Variants in RASGRF2 observed in about 807,000 individuals in gnomAD.
The protein encoded by RASGRF2 is ras-specific guanine nucleotide-releasing factor 2.
Under a neutral mutation model 151.0 loss-of-function variants are expected in RASGRF2, and 76 were observed. The ratio of observed to expected loss-of-function variants is 0.50; its 90% CI spans 0.42 to 0.61. RASGRF2 has a LOEUF of 0.61. Among genes scored for constraint, RASGRF2 ranks in the 20% least tolerant of loss-of-function variants. RASGRF2 has a pLI of 0.00. For synonymous variants in RASGRF2, 504 were observed against 566.5 expected (o/e 0.89, Z 1.57); for missense variants, 1,148 against 1,564.6 (o/e 0.73, Z 4.49).
chr5:81,001,368 C>G (rs1264363002), intron 1 of RASGRF2, among the ~76,000 whole-genome samples: 1 of 152,132 alleles, frequency 6.6e-6, no homozygotes, highest in East Asian at 1.9e-4. Context: ...TCACAACAGG[C>G]CTGTGTTCCT....
At chr5:81,021,353 A>G (rs1373778428) in intron 1 of RASGRF2, among the ~76,000 whole-genome samples, 1 of 61,096 alleles carries the variant, frequency 1.6e-5, no homozygotes, top group Non-Finnish European at 3.1e-5. Context: ...ATTTTTCTAA[A>G]TTTCTCCTTA....
chr5:81,217,295 T>C, intron 24 of RASGRF2, 61 bp from the exon 25 acceptor site: 1 of 1,525,788 alleles, frequency 6.6e-7, no homozygotes, highest in South Asian at 1.3e-5. Flanking sequence ...TTGTTTAATT[T>C]GGGGAGGGAA....
intron 17 of RASGRF2, among the ~76,000 whole-genome samples, chr5:81,175,389 G>A (rs59448696): frequency 0.016 from 2,468 of 152,290 alleles, 61 homozygotes; most frequent in African/African-American, 0.055. Flanking sequence ...TAGAAATCCA[G>A]TTGTAATCCA....
chr5:81,183,669 G>T (rs1754965226), intron 18 of RASGRF2, among the ~76,000 whole-genome samples: 1 of 152,156 alleles, frequency 6.6e-6, no homozygotes, highest in Non-Finnish European at 1.5e-5. Flanking sequence ...TTTCTCTCAT[G>T]TGCCTTGTCT....
intron 5 of RASGRF2, among the ~76,000 whole-genome samples, chr5:81,073,769 C>A (rs1751854828): frequency 6.6e-6 from 1 of 152,116 alleles, no homozygotes; most frequent in African/African-American, 2.4e-5. Context: ...CAGGCGCCCA[C>A]CACCACACCT....
intron 15 of RASGRF2, among the ~76,000 whole-genome samples, chr5:81,121,384 A>G (rs1753303439): frequency 6.6e-6 from 1 of 152,168 alleles, no homozygotes; most frequent in Admixed American, 6.5e-5. Context: ...TATTGATGCC[A>G]TACGTCTCCC....
At chr5:81,141,290 CAG>C (rs1329469686) in intron 17 of RASGRF2, among the ~76,000 whole-genome samples, 3 of 152,190 alleles carry the variant, frequency 2.0e-5, no homozygotes, top group African/African-American at 7.2e-5. Context: ...GGTGATTTTA[CAG>C]AGAGTTGATC....
chr5:81,050,598 A>G (rs562612943), intron 2 of RASGRF2, among the ~76,000 whole-genome samples: 94 of 152,236 alleles, frequency 6.2e-4, no homozygotes, highest in African/African-American at 2.1e-3. Context: ...CACCACATAC[A>G]GGAATTTTAA....
At chr5:81,066,202 C>T (rs926465276) in intron 2 of RASGRF2, among the ~76,000 whole-genome samples, 11 of 152,116 alleles carry the variant, frequency 7.2e-5, no homozygotes, top group Admixed American at 6.5e-4. Flanking sequence ...CAAGACTCTT[C>T]TATCTTTTCT....
chr5:81,021,538 A>C (rs897804823), intron 1 of RASGRF2, among the ~76,000 whole-genome samples: 1 of 149,230 alleles, frequency 6.7e-6, no homozygotes, highest in Non-Finnish European at 1.5e-5. Context: ...GAGGGCTCAC[A>C]TGTTCTTGAG....
At chr5:81,107,223 G>T (rs1752870678) in intron 12 of RASGRF2, among the ~76,000 whole-genome samples, 1 of 148,814 alleles carries the variant, frequency 6.7e-6, no homozygotes, top group African/African-American at 2.5e-5. Flanking sequence ...AAATCTCACT[G>T]TGGTAGCACA....
At chr5:81,042,014 A>G (rs1168828646) in intron 1 of RASGRF2, among the ~76,000 whole-genome samples, 1 of 152,124 alleles carries the variant, frequency 6.6e-6, no homozygotes, top group African/African-American at 2.4e-5. Context: ...TTTTATCAAG[A>G]ATTCTTCTTT....
intron 1 of RASGRF2, among the ~76,000 whole-genome samples, chr5:80,994,889 T>C (rs1443246587): frequency 2.6e-5 from 4 of 152,236 alleles, no homozygotes; most frequent in Admixed American, 2.0e-4. Context: ...CTCATCTCCC[T>C]GAATTTGGGC....
chr5:81,128,381 C>T (rs1305150266), intron 17 of RASGRF2, among the ~76,000 whole-genome samples: 1 of 152,046 alleles, frequency 6.6e-6, no homozygotes. Context: ...TCACATTGTA[C>T]CCTGTAGGCA....
chr5:81,026,363 G>C (rs1013858352), intron 1 of RASGRF2, among the ~76,000 whole-genome samples: 1 of 151,726 alleles, frequency 6.6e-6, no homozygotes, highest in Non-Finnish European at 1.5e-5. Context: ...CTAGGGCCAA[G>C]ACTCTGCAAT....
At chr5:81,157,867 G>A (rs1234368995) in intron 17 of RASGRF2, among the ~76,000 whole-genome samples, 2 of 152,170 alleles carry the variant, frequency 1.3e-5, no homozygotes, top group Non-Finnish European at 1.5e-5. Context: ...CCTCCCAATA[G>A]GGTTTATGGG....
intron 2 of RASGRF2, among the ~76,000 whole-genome samples, chr5:81,066,595 C>G (rs1278065168): frequency 6.6e-6 from 1 of 152,222 alleles, no homozygotes; most frequent in African/African-American, 2.4e-5. Context: ...AACTTTCTGT[C>G]TCAGACTTTC....
At chr5:81,127,312 C>A (rs1753484308) in intron 17 of RASGRF2, 149 bp downstream of exon 17, 3 of 807,754 alleles carry the variant, frequency 3.7e-6, no homozygotes, top group Admixed American at 2.8e-5. Flanking sequence ...TTGCTTGAGA[C>A]CAGTAGTTTG....
intron 9 of RASGRF2, among the ~76,000 whole-genome samples, 168 bp from the exon 10 acceptor site, chr5:81,092,633 A>G (rs916392681): frequency 1.1e-4 from 16 of 152,174 alleles, no homozygotes; most frequent in African/African-American, 3.6e-4. Flanking sequence ...AATACAATGC[A>G]TTGTTTCTTC....
Sources: allele counts gnomAD v4.1 joint callset (sites outside exome capture counted in the v4.1 genomes callset), GRCh38; gene constraint gnomAD v4.1.1; transcripts MANE v1.5; gene names NCBI Gene and HGNC (gene_info 2026-07-23, HGNC 2026-07-21).